STARD9: variants seen among roughly 807,000 people sequenced by gnomAD.
STARD9 encodes the protein stAR-related lipid transfer protein 9.
A neutral mutation model predicts 399.8 loss-of-function variants in STARD9; 346 were observed. The observed-to-expected ratio is 0.87, with a 90% CI of 0.79 to 0.95. STARD9 has a LOEUF of 0.95. STARD9 is among the 40% of genes least tolerant of loss of function. The probability of loss-of-function intolerance (pLI) is 0.00; values close to 1 mark genes in which losing one functional copy is unlikely to be tolerated. For missense variants in STARD9, 5,832 were observed against 5,667.5 expected (o/e 1.03, Z -0.93); for synonymous variants, 2,203 against 2,143.5 (o/e 1.03, Z -0.77).
In STARD9 at chr15:42,691,653, T is replaced by C. The variant is rs1323158840; in HGVS notation, c.10075T>C (p.Trp3359Arg). Residue 3359 changes from tryptophan (W) to arginine (R), a missense_variant, in exon 23 of 33, where the codon TGG (tryptophan) becomes CGG (arginine). Trp to Arg is a moderately radical substitution (Grantham distance 101). Around this residue, in one of 2 missense-constraint regions of STARD9, gnomAD observed 5,828 missense variants for 5,651.1 expected, o/e 1.03. Transcript: ENST00000290607. ...DEDTQGPNRL[W>R]NPHLRGYSSG... Reference sequence around the variant, plus strand: ...AGATACACAGGGGCCTAACAGATTGTGGAACCCACATCTCAGGGGCTATTC... The same window carrying C: ...AGATACACAGGGGCCTAACAGATTGCGGAACCCACATCTCAGGGGCTATTC... 2.0e-6 allele frequency: 3 copies of C among 1,537,128 alleles called. No homozygotes were observed. The highest frequency in any genetic ancestry group is 2.6e-6 in the Non-Finnish European group (3 of 1,146,912).
At chr15:42,646,464 G>A (rs2059647269) in intron 7 of STARD9, among the ~76,000 whole-genome samples, 1 of 152,222 alleles carries the variant, frequency 6.6e-6, no homozygotes, top group South Asian at 2.1e-4. Flanking sequence ...GCACTTAAAT[G>A]TTACTGAGAA....
intron 3 of STARD9, among the ~76,000 whole-genome samples, chr15:42,588,220 G>C (rs1391978487): frequency 6.6e-6 from 1 of 152,000 alleles, no homozygotes; most frequent in Admixed American, 6.6e-5. Context: ...GTGTGTGTGT[G>C]TGTGTGTCTG....
At chr15:42,663,562 G>T (rs1198483058) in intron 12 of STARD9, 72 bp downstream of exon 12, 1 of 836,890 alleles carries the variant, frequency 1.2e-6, no homozygotes, top group Non-Finnish European at 1.9e-6. Context: ...CATGGCCCCA[G>T]TGAGTGGGAT....
chr15:42,619,304 T>C (rs2059036237), intron 3 of STARD9, among the ~76,000 whole-genome samples: 1 of 152,124 alleles, frequency 6.6e-6, no homozygotes, highest in African/African-American at 2.4e-5. Context: ...TCCTTTAGTT[T>C]TGCTTTTTCC....
chr15:42,686,577 C>T lies in STARD9; in HGVS notation c.4999C>T (p.His1667Tyr). 1.3e-6 allele frequency: 2 copies of T among 1,537,480 alleles called. No individual in the cohort carries two copies. Among genetic ancestry groups the T allele is most frequent in the Middle Eastern group, 1.7e-4 (1 of 5,990 alleles). ...SNVTTATKAD[H>Y]WSQGWAPLRK... ...TGTCACTACAGCCACCAAAGCAGAC[C>T]ATTGGTCCCAAGGCTGGGCTCCTCT... is the stretch of plus-strand genomic sequence containing the variant. The change falls in exon 23 of 33, where the codon CAT becomes TAT. Residue 1667 changes from histidine to tyrosine, a missense_variant. Physicochemically the swap from His to Tyr is moderately conservative, Grantham distance 83. Around this residue, in one of 2 missense-constraint regions of STARD9, gnomAD observed 5,828 missense variants for 5,651.1 expected, o/e 1.03. Transcript: ENST00000290607.
chr15:42,611,419 C>G (rs1245715083), intron 3 of STARD9, among the ~76,000 whole-genome samples: 2 of 152,216 alleles, frequency 1.3e-5, no homozygotes, highest in East Asian at 3.8e-4. Context: ...TGGAGACATT[C>G]TCGTTCTTGG....
chr15:42,583,416 G>A lies in STARD9; in HGVS notation c.117+1G>A. Reference sequence around the variant, plus strand: ...AGTGGCAAAAATCAGGAATTTAAAGGTAAGCCTGAAATTGTTTTTCATTTT... The same window carrying A: ...AGTGGCAAAAATCAGGAATTTAAAGATAAGCCTGAAATTGTTTTTCATTTT... On this transcript the variant is annotated splice_donor_variant, in intron 2 of 32. Transcript: ENST00000290607. LOFTEE classifies it high-confidence loss of function. The A allele has an allele frequency of 2.0e-6, 3 of 1,534,838 alleles. No homozygotes were observed. Among genetic ancestry groups the A allele is most frequent in the Non-Finnish European group, 2.6e-6 (3 of 1,144,786 alleles).
chr15:42,594,297 G>A (rs566582680), intron 3 of STARD9, among the ~76,000 whole-genome samples: 62 of 152,264 alleles, frequency 4.1e-4, no homozygotes, highest in African/African-American at 1.4e-3. Flanking sequence ...TTCCACATGC[G>A]ATTATTCAGT....
chr15:42,712,600 C>A (rs1290091290), intron 26 of STARD9, among the ~76,000 whole-genome samples: 1 of 152,172 alleles, frequency 6.6e-6, no homozygotes, highest in African/African-American at 2.4e-5. Context: ...ATTGTCTTGG[C>A]ACCCTTGTCA....
chr15:42,656,227 G>C (rs1407625208), intron 9 of STARD9, among the ~76,000 whole-genome samples: 1 of 147,888 alleles, frequency 6.8e-6, no homozygotes, highest in Admixed American at 6.9e-5. Context: ...CGCTCCTGTA[G>C]TCCCAGCTAC....
rs866141682 is a variant in STARD9, at chr15:42,688,001, T to C, written c.6423T>C (p.His2141=). The change falls in exon 23 of 33, where the codon CAT becomes CAC. Residue 2141 remains histidine (H), a synonymous_variant. Transcript: ENST00000290607. The part of the protein sequence containing the change: ...GAMEVNSIGN[H]PQVQKITPNP... ...TGGAGGTTAACAGCATTGGGAACCA[T>C]CCCCAGGTCCAGAAAATCACCCCAA... 1 of 1,537,314 alleles carries C rather than the reference T, an allele frequency of 6.5e-7. No homozygotes were observed. Among genetic ancestry groups the C allele is most frequent in the Admixed American group, 2.0e-5 (1 of 50,986 alleles).
At chr15:42,593,654 CTTTTTTTTTT>C (rs71108170) in intron 3 of STARD9, among the ~76,000 whole-genome samples, 9 of 66,888 alleles carry the variant, frequency 1.3e-4, no homozygotes, top group East Asian at 1.2e-3. Context: ...GGTTGTGCTT[CTTTTTTTTTT>C]TTTTTTTTTT....
intron 7 of STARD9, among the ~76,000 whole-genome samples, chr15:42,640,082 G>A (rs976289942): frequency 3.9e-5 from 6 of 152,112 alleles, no homozygotes; most frequent in Admixed American, 6.5e-5. Context: ...TCTAGGCAGC[G>A]GATTTTTAAA....
At chr15:42,707,760 C>T (rs1465313508) in intron 26 of STARD9, among the ~76,000 whole-genome samples, 1 of 152,092 alleles carries the variant, frequency 6.6e-6, no homozygotes, top group East Asian at 1.9e-4. Flanking sequence ...ACAACATATA[C>T]AGTATATAAA....
chr15:42,665,836 A>G lies in STARD9; in HGVS notation c.1305A>G (p.Gln435=). Residue 435 remains glutamine (Q), a synonymous_variant, in exon 15 of 33, where the codon CAA becomes CAG. Transcript: ENST00000290607. ...AAAACCTGAAGGAGCTGGTTCTCCA[A>G]AATGAATTGAAGGTGGGTGTGTTGG... ...SDENLKELVL[Q]NELKIDQLTK... The G allele has an allele frequency of 2.6e-6, 4 of 1,537,174 alleles. No homozygotes were observed. In the South Asian group the frequency reaches 4.8e-5, roughly 18 times the overall value.
chr15:42,625,600 G>A (rs1250423675), intron 3 of STARD9, among the ~76,000 whole-genome samples: 1 of 150,784 alleles, frequency 6.6e-6, no homozygotes, highest in African/African-American at 2.4e-5. Context: ...AAAGTGCTGG[G>A]TTTACAGGCA....
rs1420030936 is a variant in STARD9, at chr15:42,682,498, A to C, written c.2460A>C (p.Pro820=). The C allele has an allele frequency of 6.5e-7, 1 of 1,537,206 alleles. No individual in the cohort carries two copies. The highest frequency in any genetic ancestry group is 8.7e-7 in the Non-Finnish European group (1 of 1,146,890). Residue 820 remains proline, a synonymous_variant, in exon 22 of 33, where the codon CCA becomes CCC. Transcript: ENST00000290607. The part of the protein sequence containing the change: ...LSPDATVPRP[P]CRSKLTSCSS... ...CTGATGCCACAGTCCCACGGCCTCC[A>C]TGTAGAAGCAAATTGACGAGTTGCA...
chr15:42,690,952 C>T lies in STARD9; in HGVS notation c.9374C>T (p.Ala3125Val). Residue 3125 changes from alanine (A) to valine (V), a missense_variant, in exon 23 of 33, where the codon GCA becomes GTA. Around this residue, in one of 2 missense-constraint regions of STARD9, gnomAD observed 5,828 missense variants for 5,651.1 expected, o/e 1.03. Coordinates refer to ENST00000290607, the MANE Select transcript of STARD9 (RefSeq NM_020759.3). ...GACAGCTCTGTAGGTGACCAGAATG[C>T]ACAGGTGTGTCAAACCAATCCAGAA... ...FRDSSVGDQNAQVCQTNPEPP... is the reference protein window; with the variant it reads ...FRDSSVGDQNVQVCQTNPEPP... 1 of 1,537,214 alleles carries T rather than the reference C, an allele frequency of 6.5e-7. No individual in the cohort carries two copies. Among genetic ancestry groups the T allele is most frequent in the Non-Finnish European group, 8.7e-7 (1 of 1,146,906 alleles).
intron 26 of STARD9, among the ~76,000 whole-genome samples, chr15:42,710,351 C>T (rs535169145): frequency 2.6e-5 from 4 of 151,838 alleles, no homozygotes; most frequent in Admixed American, 6.5e-5. Flanking sequence ...CGTGAGCCAC[C>T]GTGCCTGGCC....
Sources: gnomAD v4.1 joint callset for allele counts (sites outside exome capture counted in the v4.1 genomes callset) on GRCh38, gnomAD v4.1.1 for gene constraint, gnomAD v4.1.1 regional missense constraint, MANE v1.5 for transcripts, NCBI Gene and HGNC (gene_info 2026-07-23, HGNC 2026-07-21) for gene names.